The following KLRG2 variants were observed in gnomAD, a reference collection of about 807,000 sequenced individuals.
KLRG2 encodes the protein killer cell lectin like receptor G2.
A neutral mutation model predicts 35.4 loss-of-function variants in KLRG2; 39 were observed. The observed-to-expected ratio is 1.10, with a 90% confidence interval of 0.85 to 1.44. The LOEUF is 1.44. Ranked by LOEUF, KLRG2 falls within the 40% of genes most tolerant of loss-of-function variation. The pLI, the probability that KLRG2 is intolerant of heterozygous loss-of-function variation, is 0.00. For missense variants in KLRG2, 632 were observed against 570.9 expected, an observed-to-expected ratio of 1.11 and a Z score of -1.09; for synonymous variants, 283 against 265.8, an observed-to-expected ratio of 1.06 and a Z score of -0.63.
At position 139,483,388 on chromosome 7, in the gene KLRG2, C is replaced by T. The variant is rs1423955686; in HGVS notation, c.255G>A (p.Leu85=). Residue 85 remains leucine, a synonymous_variant, in exon 1 of 5, where the codon CTG becomes CTA. Coordinates refer to ENST00000340940, the MANE Select transcript of KLRG2 (RefSeq NM_198508.4). ...GCGGCTCGGGGCAGACCCCGTAGCCCAGGCTGAGCGGCGGCACGCGCGGGG... is the reference window on the plus strand; with the variant it reads ...GCGGCTCGGGGCAGACCCCGTAGCCTAGGCTGAGCGGCGGCACGCGCGGGG... ...PGSPRVPPLS[L]GYGVCPEPPS... is the part of the protein sequence containing the mutation. The T allele has an allele frequency of 6.5e-7, 1 of 1,539,942 alleles. No homozygotes were observed.
chr7:139,470,280 G>A (rs185086062), intron 3 of KLRG2, among the ~76,000 whole-genome samples: 123 of 151,878 alleles, frequency 8.1e-4, no homozygotes, highest in Non-Finnish European at 1.3e-3. Flanking sequence ...GGATGGTCTC[G>A]ATCTCCTGAC....
the KLRG2 span, among the ~76,000 whole-genome samples, chr7:139,427,124 CAG>C: frequency 6.6e-6 from 1 of 152,128 alleles, no homozygotes; most frequent in Non-Finnish European, 1.5e-5. Context: ...TTTTCTCCCT[CAG>C]GGGAGTTAGG....
chr7:139,475,269 C>T (rs565605008), intron 3 of KLRG2, among the ~76,000 whole-genome samples: 3 of 152,214 alleles, frequency 2.0e-5, no homozygotes, highest in South Asian at 2.1e-4. Context: ...CGGTGGCTCA[C>T]GCCTGTAATC....
intron 3 of KLRG2, among the ~76,000 whole-genome samples, chr7:139,471,615 C>T (rs868705645): frequency 5.9e-5 from 9 of 152,010 alleles, no homozygotes; most frequent in African/African-American, 2.2e-4. Flanking sequence ...GAGCCGAGAT[C>T]GTGCCACCGC....
At chr7:139,479,894 G>C (rs959336225) in intron 2 of KLRG2, 122 bp from the exon 3 acceptor site, 1 of 1,190,930 alleles carries the variant, frequency 8.4e-7, no homozygotes, top group Non-Finnish European at 1.2e-6. Flanking sequence ...AGGGCCCCAG[G>C]GAGCTTTTAT....
At chr7:139,443,841 G>A in the KLRG2 span, among the ~76,000 whole-genome samples, 1 of 152,106 alleles carries the variant, frequency 6.6e-6, no homozygotes, top group African/African-American at 2.4e-5. Flanking sequence ...GAATTGACTC[G>A]TACTATCACT....
chr7:139,435,984 C>T, the KLRG2 span, among the ~76,000 whole-genome samples: 12 of 151,982 alleles, frequency 7.9e-5, no homozygotes, highest in Non-Finnish European at 5.9e-5. Flanking sequence ...TCATTGCAAC[C>T]TCCACCTCCC....
intron 1 of KLRG2, 29 bp downstream of exon 1, chr7:139,482,857 G>A (rs767682394): frequency 7.3e-7 from 1 of 1,373,304 alleles, no homozygotes; most frequent in African/African-American, 1.5e-5. Flanking sequence ...ACCTGGCGGC[G>A]TCGGCTGCCG....
At chr7:139,438,936 G>A in the KLRG2 span, among the ~76,000 whole-genome samples, 7 of 29,872 alleles carry the variant, frequency 2.3e-4, no homozygotes, top group East Asian at 1.0e-3. Context: ...CCCCCACCCC[G>A]CCCCGCCTCG....
At chr7:139,433,954 G>A in the KLRG2 span, among the ~76,000 whole-genome samples, 3,465 of 152,132 alleles carry the variant, frequency 0.023, 63 homozygotes, top group Middle Eastern at 0.048. Flanking sequence ...CCAGCATCAC[G>A]TGCGTTTTTT....
chr7:139,454,948 T>C (rs573789191), intron 3 of KLRG2, among the ~76,000 whole-genome samples: 33 of 151,862 alleles, frequency 2.2e-4, no homozygotes, highest in African/African-American at 8.0e-4. Context: ...CTTTTAAATA[T>C]TTGCCCTCAA....
chr7:139,483,375 A>T lies in KLRG2; in HGVS notation c.268T>A (p.Cys90Ser). The change falls in exon 1 of 5, where the codon TGC (cysteine) becomes AGC (serine). Residue 90 changes from cysteine to serine, a missense_variant. Transcript: ENST00000340940. ...VPPLSLGYGV[C>S]PEPPSPGPAL... ...GGGCCCGGTGACGGCGGCTCGGGGC[A>T]GACCCCGTAGCCCAGGCTGAGCGGC... is the stretch of plus-strand genomic sequence containing the variant. The T allele has an allele frequency of 6.5e-7, 1 of 1,540,408 alleles. No individual in the cohort carries two copies. Among genetic ancestry groups the T allele is most frequent in the African/African-American group, 1.4e-5 (1 of 70,742 alleles).
the KLRG2 span, among the ~76,000 whole-genome samples, chr7:139,438,921 C>A: frequency 1.3e-5 from 1 of 76,538 alleles, no homozygotes; most frequent in African/African-American, 6.4e-5. Context: ...ATGATCCCCT[C>A]CCCCCCCCCA....
chr7:139,447,137 G>A, the KLRG2 span, among the ~76,000 whole-genome samples: 2,154 of 152,138 alleles, frequency 0.014, 50 homozygotes, highest in African/African-American at 0.05. Flanking sequence ...TCAGCATAAC[G>A]TTAAAACCCA....
chr7:139,451,991 C>T (rs1222883986), downstream of KLRG2, among the ~76,000 whole-genome samples: 3 of 121,872 alleles, frequency 2.5e-5, no homozygotes, highest in African/African-American at 1.0e-4. Context: ...TTTTTTGAGA[C>T]AGAGTCTTGC....
the KLRG2 span, among the ~76,000 whole-genome samples, chr7:139,432,415 TC>T: frequency 2.0e-5 from 3 of 152,260 alleles, no homozygotes; most frequent in South Asian, 6.2e-4. Context: ...AACTGATTCC[TC>T]TTTGGAGGGA....
In KLRG2 at chr7:139,479,717, G is replaced by GT. The variant is rs1299453597; in HGVS notation, c.914dup (p.Tyr305Ter). The GT allele has an allele frequency of 1.9e-6, 3 of 1,613,960 alleles. No homozygotes were observed. Among genetic ancestry groups the GT allele is most frequent in the East Asian group, 2.2e-5 (1 of 44,890 alleles). The change falls in exon 3 of 5, where the codon TAC becomes TAAC. Residue 305 changes from tyrosine (Y) to a stop codon, truncating the protein, a stop_gained and frameshift_variant. Transcript: ENST00000340940. LOFTEE classifies it high-confidence loss of function. ...AGGCCTGCGCTTCTGCAGAGAAGTAGTAACAGTGCTCCTCGGACAACACCC... is the reference window on the plus strand; with the variant it reads ...AGGCCTGCGCTTCTGCAGAGAAGTAGTTAACAGTGCTCCTCGGACAACACCC... Reference protein sequence around the residue: ...PGWVLSEEHCYYFSAEAQAWE... With the variant: ...PGWVLSEEHC
chr7:139,470,216 C>T (rs1451007433), intron 3 of KLRG2, among the ~76,000 whole-genome samples: 1 of 152,040 alleles, frequency 6.6e-6, no homozygotes, highest in Non-Finnish European at 1.5e-5. Context: ...TGCCACCATG[C>T]CCAGCTAATT....
intron 3 of KLRG2, among the ~76,000 whole-genome samples, chr7:139,473,434 A>G (rs556630541): frequency 6.6e-6 from 1 of 152,282 alleles, no homozygotes; most frequent in Admixed American, 6.5e-5. Context: ...TGATTCCCAT[A>G]TGGTAAAGCC....
Sources: gnomAD v4.1 joint callset for allele counts (sites outside exome capture counted in the v4.1 genomes callset) on GRCh38, gnomAD v4.1.1 for gene constraint, MANE v1.5 for transcripts, NCBI Gene and HGNC (gene_info 2026-07-23, HGNC 2026-07-21) for gene names.